DOCK5: variants seen among roughly 807,000 people sequenced by gnomAD.
The protein encoded by DOCK5 is dedicator of cytokinesis 5.
DOCK5 carries 142 observed loss-of-function variants against 251.8 expected under a neutral mutation model. The observed-to-expected ratio is 0.56, with a 90% CI of 0.49 to 0.65. The LOEUF (loss-of-function observed/expected upper bound fraction) is 0.65, where lower values mean the gene tolerates loss of function less well. DOCK5 is among the 30% of genes least tolerant of loss of function. DOCK5 has a pLI of 0.00. For synonymous variants in DOCK5, 842 were observed against 835.5 expected, an observed-to-expected ratio of 1.01 and a Z score of -0.13; for missense variants, 2,111 against 2,312.3, an observed-to-expected ratio of 0.91 and a Z score of 1.79.
intron 1 of DOCK5, among the ~76,000 whole-genome samples, chr8:25,196,271 G>A (rs970594791): frequency 7.2e-5 from 11 of 152,182 alleles, no homozygotes; most frequent in Non-Finnish European, 1.3e-4. Flanking sequence ...ACCATGTGGT[G>A]TACAGAGTTT....
chr8:25,374,416 G>A, intron 36 of DOCK5, 148 bp from the exon 37 acceptor site: 2 of 744,374 alleles, frequency 2.7e-6, no homozygotes, highest in Non-Finnish European at 4.3e-6. Context: ...GATCACTTGA[G>A]CCCTGGGGCT....
rs75920458 is a variant in DOCK5, at chr8:25,243,774, T to G, written c.127+17T>G. ...TGTACGAGGGTAAGTCTGGCTGGCC[T>G]TCTGCCAGATGAGGGCAAGGGAAAA... On this transcript the variant is annotated intron_variant, in intron 2 of 51. Transcript: ENST00000276440. The G allele has an allele frequency of 7.5e-4, 1,209 of 1,611,742 alleles. 9 individuals carry two copies. The African/African-American group carries it at 0.014, about 19-fold the overall frequency.
chr8:25,384,471 T>TTA (rs1801129058), intron 40 of DOCK5, among the ~76,000 whole-genome samples: 2 of 26,814 alleles, frequency 7.5e-5, no homozygotes, highest in African/African-American at 3.6e-4. Flanking sequence ...TTATTTTTTT[T>TTA]TTTTTTGAGA....
intron 2 of DOCK5, among the ~76,000 whole-genome samples, chr8:25,257,033 T>C (rs1332550762): frequency 1.3e-5 from 2 of 152,222 alleles, no homozygotes; most frequent in Admixed American, 6.5e-5. Flanking sequence ...TCTAGCTGTT[T>C]TGTGTGTCTC....
intron 32 of DOCK5, 67 bp downstream of exon 32, chr8:25,368,317 T>C: frequency 7.3e-7 from 1 of 1,377,434 alleles, no homozygotes; most frequent in Non-Finnish European, 1.0e-6. Flanking sequence ...CGATAAAGTC[T>C]TTTTTTTATT....
intron 51 of DOCK5, among the ~76,000 whole-genome samples, chr8:25,410,966 TGTGTGTGC>T (rs1265914936): frequency 2.2e-4 from 18 of 81,990 alleles, no homozygotes; most frequent in East Asian, 1.4e-3. Context: ...TGTGTGTGTG[TGTGTGTGC>T]GCGCGCGCGC....
In DOCK5 at chr8:25,260,408, C is replaced by T. The variant is rs570719232; in HGVS notation, c.128-8437C>T. Among the ~76,000 whole-genome samples, 32 of 149,686 alleles carry T rather than the reference C, an allele frequency of 2.1e-4. No homozygotes were observed. In the South Asian group the frequency reaches 5.1e-3, roughly 24 times the overall value. ...ATAATGCAGGTGTATAGAAACATAG[C>T]TCTTTTATGTGTGTACGTGGGGTAA... is the stretch of plus-strand genomic sequence containing the variant. On this transcript the variant is annotated intron_variant, in intron 2 of 51. Transcript: ENST00000276440.
chr8:25,358,078 T>C (rs1211755363), intron 27 of DOCK5, among the ~76,000 whole-genome samples: 2 of 151,998 alleles, frequency 1.3e-5, no homozygotes, highest in East Asian at 3.9e-4. Context: ...GGCTCTGGAG[T>C]TGGAGAAGCG....
At chr8:25,231,766 T>C (rs930630493) in intron 1 of DOCK5, among the ~76,000 whole-genome samples, 1 of 152,196 alleles carries the variant, frequency 6.6e-6, no homozygotes, top group African/African-American at 2.4e-5. Context: ...TTGTACCTGG[T>C]ATTAGAGGAG....
rs1337896122 is a variant in DOCK5, at chr8:25,302,438, A to C, written c.960A>C (p.Arg320Ser). 10 of 1,571,846 alleles carry C rather than the reference A, an allele frequency of 6.4e-6. No homozygotes were observed. The highest frequency in any genetic ancestry group is 8.6e-6 in the Non-Finnish European group (10 of 1,158,514). Residue 320 changes from arginine (R) to serine (S), a missense_variant, in exon 10 of 52, where the codon AGA becomes AGC. Physicochemically the swap from Arg to Ser is moderately radical, Grantham distance 110. Coordinates refer to ENST00000276440, the MANE Select transcript of DOCK5 (RefSeq NM_024940.8). Reference sequence around the variant, plus strand: ...AGAAGCACACCTGTGGACTCCGAAGACCTTTTGGAGTGGCAGGTACAAGAG... The same window carrying C: ...AGAAGCACACCTGTGGACTCCGAAGCCCTTTTGGAGTGGCAGGTACAAGAG... ...EGKKHTCGLRRPFGVAVMDIT... is the reference protein window; with the variant it reads ...EGKKHTCGLRSPFGVAVMDIT...
chr8:25,253,386 T>A (rs933145937), intron 2 of DOCK5, among the ~76,000 whole-genome samples: 2 of 152,200 alleles, frequency 1.3e-5, no homozygotes, highest in Admixed American at 6.5e-5. Context: ...CAGATCTTGG[T>A]TGGATCAAGT....
At chr8:25,245,881 C>A (rs1250748021) in intron 2 of DOCK5, among the ~76,000 whole-genome samples, 2 of 152,062 alleles carry the variant, frequency 1.3e-5, no homozygotes, top group Non-Finnish European at 2.9e-5. Flanking sequence ...ATTTCTGAGT[C>A]ATTTTTCAGG....
chr8:25,300,421 C>G (rs1409412448), intron 8 of DOCK5, among the ~76,000 whole-genome samples, 155 bp from the exon 9 acceptor site: 1 of 152,104 alleles, frequency 6.6e-6, no homozygotes, highest in African/African-American at 2.4e-5. Context: ...CTGTGTGGTC[C>G]CAGTTCCCAA....
intron 3 of DOCK5, among the ~76,000 whole-genome samples, chr8:25,273,463 C>T (rs1803965819): frequency 6.6e-6 from 1 of 152,108 alleles, no homozygotes; most frequent in African/African-American, 2.4e-5. Flanking sequence ...ATTAGCCGGG[C>T]ATGGTGGTGC....
chr8:25,361,957 G>A (rs549793253), intron 28 of DOCK5, among the ~76,000 whole-genome samples: 1 of 152,312 alleles, frequency 6.6e-6, no homozygotes, highest in South Asian at 2.1e-4. Context: ...AGTGGAAAAG[G>A]TCTAAATTTA....
chr8:25,408,502 T>C (rs1437202057), intron 49 of DOCK5, among the ~76,000 whole-genome samples: 1 of 152,192 alleles, frequency 6.6e-6, no homozygotes, highest in Non-Finnish European at 1.5e-5. Flanking sequence ...CATATCAAGT[T>C]GTTAAATGTG....
intron 34 of DOCK5, among the ~76,000 whole-genome samples, chr8:25,371,321 A>T (rs928622223): frequency 6.6e-6 from 1 of 152,176 alleles, no homozygotes; most frequent in Non-Finnish European, 1.5e-5. Context: ...AAGTGAGCCA[A>T]GTGAGCCACC....
chr8:25,296,502 T>C lies in DOCK5; in HGVS notation c.471-11T>C. The C allele has an allele frequency of 6.2e-7, 1 of 1,605,268 alleles. No homozygotes were observed. Among genetic ancestry groups the C allele is most frequent in the Non-Finnish European group, 8.5e-7 (1 of 1,175,864 alleles). On this transcript the variant is annotated splice_polypyrimidine_tract_variant and intron_variant, in intron 6 of 51. Coordinates refer to ENST00000276440, the MANE Select transcript of DOCK5 (RefSeq NM_024940.8). ...GTGAGGAGAACCAGCTGACTACTCC[T>C]TTCTCTCCAGAATGCTGGGGTTAGA...
chr8:25,243,604 T>C, intron 1 of DOCK5, 70 bp from the exon 2 acceptor site: 6 of 1,446,864 alleles, frequency 4.1e-6, no homozygotes, highest in Non-Finnish European at 5.7e-6. Context: ...GCTGAGATTA[T>C]AGGCGTGAGC....
Sources: allele counts gnomAD v4.1 joint callset (sites outside exome capture counted in the v4.1 genomes callset), GRCh38; gene constraint gnomAD v4.1.1; transcripts MANE v1.5; gene names NCBI Gene and HGNC (gene_info 2026-07-23, HGNC 2026-07-21).